The following CCZ1 variants were observed in gnomAD, a reference collection of about 807,000 sequenced individuals.
CCZ1 encodes vacuolar fusion protein CCZ1 homolog.
A neutral mutation model predicts 57.8 loss-of-function variants in CCZ1; 19 were observed. That is an observed-to-expected ratio of 0.33 (90% CI 0.23 to 0.48). The LOEUF (loss-of-function observed/expected upper bound fraction) is 0.48. CCZ1 is among the 20% of genes least tolerant of loss of function. CCZ1 has a pLI of 0.99. For synonymous variants in CCZ1, 81 were observed against 167.0 expected (o/e 0.49, Z 3.97); for missense variants, 200 against 492.0 (o/e 0.41, Z 5.61).
chr7:5,906,593 G>A (rs934046769), intron 7 of CCZ1, among the ~76,000 whole-genome samples: 1 of 148,604 alleles, frequency 6.7e-6, no homozygotes, highest in Non-Finnish European at 1.5e-5. Context: ...AAGGTGCCTC[G>A]ATTACAGGTG....
intron 7 of CCZ1, among the ~76,000 whole-genome samples, chr7:5,908,815 C>T (rs1326268599): frequency 6.9e-6 from 1 of 144,000 alleles, no homozygotes; most frequent in Non-Finnish European, 1.5e-5. Flanking sequence ...CTGCTCCTTC[C>T]TGCCTCATTT....
At chr7:5,911,192 C>T (rs984951263) in intron 8 of CCZ1, among the ~76,000 whole-genome samples, 1 of 149,208 alleles carries the variant, frequency 6.7e-6, no homozygotes, top group Admixed American at 6.6e-5. Context: ...TACTTAATTT[C>T]CCGGTTTCCT....
intron 1 of CCZ1, among the ~76,000 whole-genome samples, chr7:5,899,371 GTGTGTGTGTGTGGT>G (rs1337695680): frequency 1.2e-3 from 163 of 134,440 alleles, no homozygotes; most frequent in African/African-American, 1.4e-3. Context: ...GTGTGTGTGT[GTGTGTGTGTGTGGT>G]TTTTCTGAGG....
intron 7 of CCZ1, among the ~76,000 whole-genome samples, chr7:5,905,902 C>CTTTTT (rs148585423): frequency 0.012 from 1,128 of 93,002 alleles, 13 homozygotes; most frequent in African/African-American, 0.017. Flanking sequence ...ATTTTTATAC[C>CTTTTT]TTTTTTTTTT....
In CCZ1 at chr7:5,901,556, A is replaced by T. The variant is rs538087701; in HGVS notation, c.391-101A>T. 5.6e-5 allele frequency: 84 copies of T among 1,497,836 alleles called. 19 individuals carry two copies. The East Asian group carries it at 2.2e-3, about 38-fold the overall frequency. 92.8% of individuals were successfully genotyped at this position (1,497,836 alleles called of 1,614,324 possible). A position where few individuals can be genotyped will look rare whatever the true frequency, so the allele number is the denominator to read the frequency against. On this transcript the variant is annotated intron_variant, in intron 4 of 14. Coordinates refer to ENST00000325974, the MANE Select transcript of CCZ1 (RefSeq NM_015622.6). ...CTATTGTGGGACAAAGTTTATAAAC[A>T]TTATACTGTTTGGCCAAGAGTTAGT...
chr7:5,903,821 A>G (rs187681764), intron 6 of CCZ1, among the ~76,000 whole-genome samples: 8 of 146,582 alleles, frequency 5.5e-5, no homozygotes, highest in Admixed American at 3.3e-4. Context: ...GTGAAACCTC[A>G]TCTCTACTAA....
intron 10 of CCZ1, among the ~76,000 whole-genome samples, chr7:5,914,888 A>AG (rs1779119252): frequency 7.8e-6 from 1 of 128,880 alleles, no homozygotes; most frequent in Admixed American, 7.6e-5. Flanking sequence ...AAAGAAAAAA[A>AG]AAACACGTTC....
rs1279692036 is a variant in CCZ1 at position 5,910,533 on chromosome 7, G to A, written c.780+417G>A. Reference sequence around the variant, plus strand: ...TAGTAGAGACAGGTTTCACTATGTTGGCCAGGCTGGTCTCGAACTCCTGAC... The same window carrying A: ...TAGTAGAGACAGGTTTCACTATGTTAGCCAGGCTGGTCTCGAACTCCTGAC... On this transcript the variant is annotated intron_variant, in intron 8 of 14. Transcript: ENST00000325974. Among the ~76,000 whole-genome samples the A allele has an allele frequency of 5.5e-5, 8 of 146,060 alleles. 1 individual carries two copies. The highest frequency in any genetic ancestry group is 2.1e-4 in the Admixed American group (3 of 14,610).
chr7:5,904,732 G>A (rs1781763834), intron 6 of CCZ1, among the ~76,000 whole-genome samples: 1 of 147,542 alleles, frequency 6.8e-6, no homozygotes, highest in Non-Finnish European at 1.5e-5. Flanking sequence ...TCAGGAGGCT[G>A]AGGCAGGAGA....
chr7:5,900,030 C>A (rs1347751905), intron 1 of CCZ1, among the ~76,000 whole-genome samples: 1 of 105,514 alleles, frequency 9.5e-6, no homozygotes, highest in African/African-American at 3.2e-5. Context: ...CATTCCTGTT[C>A]TTCTTCTTAT....
chr7:5,925,998 C>G lies in CCZ1; in HGVS notation c.*311C>G. ...AATTCTGGTTTGGTGTTGAGTCTCT[C>G]TCCTGCTGCCTATTTATAGATTACA... On this transcript the variant is annotated 3_prime_UTR_variant, in exon 15 of 15. Coordinates refer to ENST00000325974, the MANE Select transcript of CCZ1 (RefSeq NM_015622.6). 2.0e-6 allele frequency: 1 copy of G among 491,098 alleles called. No individual in the cohort carries two copies. Among genetic ancestry groups the G allele is most frequent in the Non-Finnish European group, 3.8e-6 (1 of 265,296 alleles). 30.4% of individuals were successfully genotyped at this position (491,098 alleles called of 1,614,324 possible).
intron 12 of CCZ1, among the ~76,000 whole-genome samples, chr7:5,923,041 G>T (rs1219491525): frequency 1.5e-5 from 2 of 137,558 alleles, no homozygotes; most frequent in Admixed American, 7.2e-5. Flanking sequence ...GGCCAGGGCC[G>T]GGCGCGGGGG....
At chr7:5,905,319 A>G in intron 7 of CCZ1, 50 bp downstream of exon 7, 1 of 1,084,526 alleles carries the variant, frequency 9.2e-7, no homozygotes, top group Non-Finnish European at 1.3e-6. Flanking sequence ...AAGATAATAA[A>G]AACAGCAGTG....
intron 9 of CCZ1, among the ~76,000 whole-genome samples, chr7:5,912,431 C>T (rs1470224552): frequency 5.2e-5 from 5 of 95,406 alleles, no homozygotes; most frequent in African/African-American, 8.8e-5. Flanking sequence ...GTCTCTCTGT[C>T]GCTCAGGCTG....
rs1781752876 is a variant in CCZ1, at chr7:5,904,293, C to T, written c.523-801C>T. On this transcript the variant is annotated intron_variant, in intron 6 of 14. Transcript: ENST00000325974. ...TAGAGACGGGGTTTTGTCATGTTGG[C>T]GAGGCTGGTCTCAAACTCCTGACCT... Among the ~76,000 whole-genome samples, 2 of 140,864 alleles carry T rather than the reference C, an allele frequency of 1.4e-5. 1 individual carries two copies. Among genetic ancestry groups the T allele is most frequent in the African/African-American group, 5.4e-5 (2 of 36,792 alleles). The allele number at this position is 140,864 out of a possible 152,430, so 92.4% of individuals were successfully genotyped here. A position where few individuals can be genotyped will look rare whatever the true frequency, so the allele number is the denominator to read the frequency against.
chr7:5,911,242 A>T (rs1339262159), intron 8 of CCZ1, among the ~76,000 whole-genome samples: 2 of 148,840 alleles, frequency 1.3e-5, no homozygotes. Context: ...TTCTCCCCAA[A>T]GTATTTTCAG....
chr7:5,901,671 C>A lies in CCZ1; in HGVS notation c.405C>A (p.Ser135Arg), dbSNP rs1401078264. ...QEEELLDKVYSSVLRQCYSMY... is the reference protein window; with the variant it reads ...QEEELLDKVYRSVLRQCYSMY... ...CGCGTCTGCAGGACAAGGTTTATAG[C>A]TCGGTGCTGCGGCAGTGCTACAGCA... The change falls in exon 5 of 15, where the codon AGC becomes AGA. Residue 135 changes from serine to arginine, a missense_variant. Physicochemically the swap from Ser to Arg is moderately radical, Grantham distance 110. This residue lies in a region of CCZ1 where 128 missense variants were observed against 178.4 expected (regional missense o/e 0.72). Transcript: ENST00000325974. 1 of 1,598,484 alleles carries A rather than the reference C, an allele frequency of 6.3e-7. No homozygotes were observed. Among genetic ancestry groups the A allele is most frequent in the South Asian group, 1.1e-5 (1 of 88,312 alleles).
chr7:5,912,014 C>G, intron 9 of CCZ1, 92 bp downstream of exon 9: 1 of 1,575,070 alleles, frequency 6.3e-7, no homozygotes, highest in Non-Finnish European at 8.6e-7. Context: ...AGAGCAGTGG[C>G]AAGATCTCCG....
chr7:5,907,427 G>T (rs1412369997), intron 7 of CCZ1, among the ~76,000 whole-genome samples: 1 of 149,124 alleles, frequency 6.7e-6, no homozygotes, highest in Admixed American at 6.6e-5. Flanking sequence ...GAATCCAGCA[G>T]TAGTGGCCCA....
Sources: allele counts gnomAD v4.1 joint callset (sites outside exome capture counted in the v4.1 genomes callset), GRCh38; gene constraint gnomAD v4.1.1; regional missense constraint gnomAD v4.1.1; transcripts MANE v1.5; gene names NCBI Gene and HGNC (gene_info 2026-07-23, HGNC 2026-07-21).